The following PSMB2 variants were observed in gnomAD, a reference collection of about 807,000 sequenced individuals.
PSMB2 encodes proteasome subunit beta type-2.
A neutral mutation model predicts 25.7 loss-of-function variants in PSMB2; 13 were observed. That is an observed-to-expected ratio of 0.51 (90% confidence interval 0.33 to 0.80). PSMB2 has a LOEUF of 0.80. Among genes scored for constraint, PSMB2 ranks in the 30% least tolerant of loss-of-function variants. PSMB2 has a pLI of 0.02. For missense variants in PSMB2, 202 were observed against 259.0 expected (o/e 0.78, Z 1.51); for synonymous variants, 87 against 96.2 (o/e 0.90, Z 0.56).
In PSMB2 at chr1:35,605,259, C is replaced by T; in HGVS notation, c.472G>A (p.Glu158Lys). ...TPTISRERAV[E>K]LLRKCLEELQ... The stretch of plus-strand genomic sequence containing the variant: ...TCCTCCAGACATTTCCTAAGGAGTT[C>T]CACTGCCCTCTCACGTGAGATAGCT... Residue 158 changes from glutamate (E) to lysine (K), a missense_variant, in exon 5 of 6, where the codon GAA becomes AAA. Glu to Lys is a moderately conservative substitution (Grantham distance 56, BLOSUM62 1). Coordinates refer to ENST00000373237, the MANE Select transcript of PSMB2 (RefSeq NM_002794.5). 2 of 1,613,260 alleles carry T rather than the reference C, an allele frequency of 1.2e-6. No individual in the cohort carries two copies. The highest frequency in any genetic ancestry group is 1.7e-4 in the Middle Eastern group (1 of 6,054).
chr1:35,633,760 A>G (rs1427893995), intron 2 of PSMB2, among the ~76,000 whole-genome samples: 1 of 152,286 alleles, frequency 6.6e-6, no homozygotes, highest in African/African-American at 2.4e-5. Flanking sequence ...ACTAAGCCTT[A>G]TTCATCTTTG....
At chr1:35,627,155 T>C (rs1650889186) in intron 3 of PSMB2, among the ~76,000 whole-genome samples, 1 of 150,122 alleles carries the variant, frequency 6.7e-6, no homozygotes, top group South Asian at 2.1e-4. Context: ...TAGTTCCAGC[T>C]ATTTGGGAGG....
Position 35,606,688 on chromosome 1 carries a change from T to C in PSMB2, c.449-1406A>G, listed in dbSNP as rs533677219. On this transcript the variant is annotated intron_variant, in intron 4 of 5. Transcript: ENST00000373237. ...GCCAATGACATGCCTCACAGAATTA[T>C]GGAAAAAAATCCTAAGATTTGTAAG... Among the ~76,000 whole-genome samples, 77 of 152,182 alleles carry C rather than the reference T, an allele frequency of 5.1e-4. 3 individuals carry two copies. In the South Asian group the frequency reaches 0.015, roughly 29 times the overall value.
intron 1 of PSMB2, 41 bp downstream of exon 1, chr1:35,641,301 T>G: frequency 6.8e-6 from 11 of 1,612,914 alleles, no homozygotes; most frequent in Non-Finnish European, 9.3e-6. Flanking sequence ...TGGCCGCTCC[T>G]ACACCCCAGG....
chr1:35,608,399 C>T (rs958650042), intron 4 of PSMB2, among the ~76,000 whole-genome samples: 1 of 151,282 alleles, frequency 6.6e-6, no homozygotes, highest in African/African-American at 2.4e-5. Context: ...TATGGATAGA[C>T]AGAGGAATAA....
intron 3 of PSMB2, among the ~76,000 whole-genome samples, chr1:35,628,613 A>G (rs1557456429): frequency 2.1e-5 from 1 of 47,196 alleles, no homozygotes; most frequent in African/African-American, 8.1e-5. Context: ...ATATATATAT[A>G]TATATATATA....
rs1651245197 is a variant in PSMB2, at chr1:35,636,390, A to G, written c.134T>C (p.Leu45Pro). The change falls in exon 2 of 6, where the codon CTG (leucine) becomes CCG (proline). Residue 45 changes from leucine (L) to proline (P), a missense_variant. Physicochemically the swap from Leu to Pro is moderately conservative, Grantham distance 98. Coordinates refer to ENST00000373237, the MANE Select transcript of PSMB2 (RefSeq NM_002794.5). Reference protein sequence around the residue: ...MFKMSEKILLLCVGEAGDTVQ... With the variant: ...MFKMSEKILLPCVGEAGDTVQ... ...AGTGTCTCCAGCCTCTCCAACACAC[A>G]GGAGTAATATCTTTTCACTCATCTT... 1 of 1,614,032 alleles carries G rather than the reference A, an allele frequency of 6.2e-7. No homozygotes were observed. Among genetic ancestry groups the G allele is most frequent in the Non-Finnish European group, 8.5e-7 (1 of 1,179,904 alleles).
chr1:35,626,287 G>A (rs187520185), intron 3 of PSMB2, among the ~76,000 whole-genome samples: 6 of 152,032 alleles, frequency 3.9e-5, no homozygotes, highest in East Asian at 1.9e-4. Flanking sequence ...GTCTTTTTTC[G>A]TCTTCTGATG....
At chr1:35,616,786 A>G (rs114944396) in intron 3 of PSMB2, among the ~76,000 whole-genome samples, 2,290 of 152,324 alleles carry the variant, frequency 0.015, 54 homozygotes, top group African/African-American at 0.052. Context: ...TTTGTTTGCC[A>G]TAACTAAAAA....
At chr1:35,621,828 T>G (rs1471155644) in intron 3 of PSMB2, among the ~76,000 whole-genome samples, 1 of 152,070 alleles carries the variant, frequency 6.6e-6, no homozygotes, top group African/African-American at 2.4e-5. Flanking sequence ...AAACCCCATC[T>G]CTACTAAAAA....
intron 3 of PSMB2, among the ~76,000 whole-genome samples, chr1:35,624,941 G>T (rs1208667700): frequency 6.6e-6 from 1 of 151,670 alleles, no homozygotes; most frequent in Non-Finnish European, 1.5e-5. Context: ...CACGCCTGTA[G>T]TCCCAGCTAT....
chr1:35,640,615 T>C (rs150169125), intron 1 of PSMB2, among the ~76,000 whole-genome samples: 3,426 of 150,866 alleles, frequency 0.023, 150 homozygotes, highest in African/African-American at 0.08. Context: ...CAAACTAACC[T>C]CATTACTAGC....
At chr1:35,627,932 T>A (rs1245026538) in intron 3 of PSMB2, among the ~76,000 whole-genome samples, 1 of 151,970 alleles carries the variant, frequency 6.6e-6, no homozygotes, top group African/African-American at 2.4e-5. Context: ...ACAGAGCAAA[T>A]TAGAAATCAA....
intron 3 of PSMB2, among the ~76,000 whole-genome samples, chr1:35,610,185 T>C (rs1345620878): frequency 1.3e-5 from 2 of 152,184 alleles, no homozygotes; most frequent in Non-Finnish European, 2.9e-5. Flanking sequence ...ACAGGTATAA[T>C]CTCAGCACTT....
rs1348490870 is a variant in PSMB2 at position 35,601,264 on chromosome 1, T to G, written c.*2003A>C. On this transcript the variant is annotated 3_prime_UTR_variant, in exon 6 of 6. Coordinates refer to ENST00000373237, the MANE Select transcript of PSMB2 (RefSeq NM_002794.5). The stretch of plus-strand genomic sequence containing the variant: ...ATATATTTTTTTAGTAGAGATGGGG[T>G]TTCACCATGTTGGCCAGGCTGGTCT... 4.5e-6 allele frequency: 3 copies of G among 672,078 alleles called. No homozygotes were observed. Among genetic ancestry groups the G allele is most frequent in the African/African-American group, 4.0e-5 (2 of 50,614 alleles). 41.6% of individuals were successfully genotyped at this position (672,078 alleles called of 1,614,324 possible).
intron 4 of PSMB2, among the ~76,000 whole-genome samples, chr1:35,605,651 G>A (rs1211141052): frequency 1.3e-5 from 2 of 152,170 alleles, no homozygotes; most frequent in Non-Finnish European, 2.9e-5. Flanking sequence ...AATTCCATCT[G>A]CCCCAGTCAG....
chr1:35,636,252 T>G, intron 2 of PSMB2, 58 bp downstream of exon 2: 2 of 1,601,208 alleles, frequency 1.2e-6, no homozygotes, highest in Non-Finnish European at 8.5e-7. Context: ...GTCTGTGACT[T>G]TAGTAATGGC....
At chr1:35,627,213 G>GCTGTGA (rs1158685434) in intron 3 of PSMB2, among the ~76,000 whole-genome samples, 1 of 142,198 alleles carries the variant, frequency 7.0e-6, no homozygotes, top group Non-Finnish European at 1.5e-5. Context: ...GCTGCAGTGA[G>GCTGTGA]CTGTGACTGT....
At chr1:35,613,304 A>G (rs1414190390) in intron 3 of PSMB2, among the ~76,000 whole-genome samples, 2 of 152,154 alleles carry the variant, frequency 1.3e-5, no homozygotes. Context: ...TTGGGAGGCC[A>G]AGGTGAGAGG....
Sources: gnomAD v4.1 joint callset for allele counts (sites outside exome capture counted in the v4.1 genomes callset) on GRCh38, gnomAD v4.1.1 for gene constraint, MANE v1.5 for transcripts, NCBI Gene and HGNC (gene_info 2026-07-23, HGNC 2026-07-21) for gene names.